The following DGKG variants were observed in gnomAD, a reference collection of about 807,000 sequenced individuals.
The protein encoded by DGKG is DAG kinase gamma.
Under a neutral mutation model 105.3 loss-of-function variants are expected in DGKG, and 78 were observed. The observed-to-expected ratio is 0.74, with a 90% confidence interval of 0.62 to 0.89. The LOEUF (loss-of-function observed/expected upper bound fraction) is 0.89. Ranked by LOEUF, DGKG falls within the 40% of genes least tolerant of loss-of-function variation. The pLI, the probability that DGKG is intolerant of heterozygous loss-of-function variation, is 0.00. For synonymous variants in DGKG, 346 were observed against 367.1 expected, an observed-to-expected ratio of 0.94 and a Z score of 0.66; for missense variants, 958 against 1,020.1, an observed-to-expected ratio of 0.94 and a Z score of 0.83.
intron 16 of DGKG, among the ~76,000 whole-genome samples, chr3:186,259,118 G>A (rs950691898): frequency 6.6e-5 from 10 of 150,694 alleles, no homozygotes; most frequent in African/African-American, 2.2e-4. Flanking sequence ...ACTCTCCGAC[G>A]GGAAGTGAAT....
intron 1 of DGKG, among the ~76,000 whole-genome samples, chr3:186,360,890 C>T (rs1164777284): frequency 6.6e-6 from 1 of 152,266 alleles, no homozygotes; most frequent in Non-Finnish European, 1.5e-5. Flanking sequence ...ACAAACAGCC[C>T]TCCCAGGCCC....
At chr3:186,227,442 A>T (rs1233570426) in intron 20 of DGKG, among the ~76,000 whole-genome samples, 1 of 152,200 alleles carries the variant, frequency 6.6e-6, no homozygotes, top group African/African-American at 2.4e-5. Context: ...GCTGAAACTC[A>T]GTTCTTTTGA....
rs554896339 is a variant in DGKG, at chr3:186,224,510, C to T, written c.1827-12625G>A. Among the ~76,000 whole-genome samples the T allele has an allele frequency of 7.9e-5, 12 of 152,204 alleles. No individual in the cohort carries two copies. The East Asian group carries it at 1.2e-3, about 15-fold the overall frequency. On this transcript the variant is annotated intron_variant, in intron 20 of 24. Transcript: ENST00000265022. ...TGTAAGTTATATGAGTATGTGCACT[C>T]GAATGCAGGGGCTTTCACCAATGAA...
At chr3:186,211,285 C>T (rs967977251) in intron 21 of DGKG, among the ~76,000 whole-genome samples, 1 of 152,228 alleles carries the variant, frequency 6.6e-6, no homozygotes, top group Non-Finnish European at 1.5e-5. Flanking sequence ...ACAGGTTGCA[C>T]ACCCACAAAA....
At chr3:186,233,899 A>G (rs1331402195) in intron 20 of DGKG, among the ~76,000 whole-genome samples, 1 of 152,224 alleles carries the variant, frequency 6.6e-6, no homozygotes, top group Non-Finnish European at 1.5e-5. Flanking sequence ...AGGGAGAGTA[A>G]CTTGGTCAAG....
intron 20 of DGKG, 59 bp downstream of exon 20, chr3:186,242,445 C>T: frequency 6.9e-7 from 1 of 1,452,414 alleles, no homozygotes; most frequent in Non-Finnish European, 9.4e-7. Flanking sequence ...AGGTGAAAGG[C>T]CTCTGTTCCG....
At chr3:186,240,968 CAG>C (rs1236763310) in intron 20 of DGKG, among the ~76,000 whole-genome samples, 9 of 152,206 alleles carry the variant, frequency 5.9e-5, no homozygotes, top group Admixed American at 2.6e-4. Context: ...ACTATAGTAT[CAG>C]GGGCTGGAAG....
chr3:186,332,948 A>G (rs932151269), intron 1 of DGKG, among the ~76,000 whole-genome samples: 3 of 152,134 alleles, frequency 2.0e-5, no homozygotes, highest in Admixed American at 2.0e-4. Context: ...CCCTCACCAT[A>G]TGATGCCCTG....
At chr3:186,327,511 C>T (rs995530470) in intron 1 of DGKG, among the ~76,000 whole-genome samples, 1 of 151,780 alleles carries the variant, frequency 6.6e-6, no homozygotes, top group Non-Finnish European at 1.5e-5. Context: ...TCAGCAGCCC[C>T]CTCCCAGCCC....
chr3:186,200,439 T>C (rs1718395468), intron 21 of DGKG, among the ~76,000 whole-genome samples: 1 of 152,236 alleles, frequency 6.6e-6, no homozygotes, highest in Non-Finnish European at 1.5e-5. Flanking sequence ...AGATCAGAGC[T>C]GTCCAGTAAC....
intron 21 of DGKG, among the ~76,000 whole-genome samples, chr3:186,190,679 CAT>C (rs1717864125): frequency 6.6e-6 from 1 of 152,098 alleles, no homozygotes; most frequent in African/African-American, 2.4e-5. Context: ...TAAAAAATAA[CAT>C]AGACATAAAA....
rs112768251 is a variant in DGKG, at chr3:186,298,578, A to G, written c.145-349T>C. Among the ~76,000 whole-genome samples the G allele has an allele frequency of 1.1e-3, 169 of 152,344 alleles. 1 individual carries two copies. Among genetic ancestry groups the G allele is most frequent in the African/African-American group, 3.0e-3 (124 of 41,588 alleles). On this transcript the variant is annotated intron_variant, in intron 3 of 24. Transcript: ENST00000265022. ...GCCTTGGGAGTGGAGGCCAAAGTGC[A>G]GGGCTCTGCCTTAGTCCAGGCCTGT... is the stretch of plus-strand genomic sequence containing the variant.
At chr3:186,196,304 A>AT (rs1365879184) in intron 21 of DGKG, among the ~76,000 whole-genome samples, 1 of 151,748 alleles carries the variant, frequency 6.6e-6, no homozygotes, top group South Asian at 2.1e-4. Context: ...CGCCCAGCTA[A>AT]TTTTTTGTAT....
In DGKG at chr3:186,150,023, TTG is replaced by T; in HGVS notation, c.*65_*66del. On this transcript the variant is annotated 3_prime_UTR_variant, in exon 25 of 25. Coordinates refer to ENST00000265022, the MANE Select transcript of DGKG (RefSeq NM_001346.3). ...GTGCATGTGTGAGTGTGCACATAAA[TTG>T]TGTGTGAGTGTGCATTATAGTTTCT... The T allele has an allele frequency of 1.3e-6, 2 of 1,551,474 alleles. No individual in the cohort carries two copies. The highest frequency in any genetic ancestry group is 1.7e-6 in the Non-Finnish European group (2 of 1,147,346).
chr3:186,349,583 A>G (rs1726529026), intron 1 of DGKG, among the ~76,000 whole-genome samples: 1 of 151,896 alleles, frequency 6.6e-6, no homozygotes, highest in South Asian at 2.1e-4. Flanking sequence ...TTAGCTTTGC[A>G]TTCTTAGATG....
chr3:186,234,585 A>C (rs1057306728), intron 20 of DGKG, among the ~76,000 whole-genome samples: 7 of 152,194 alleles, frequency 4.6e-5, no homozygotes, highest in African/African-American at 1.7e-4. Flanking sequence ...TCACAAACCG[A>C]TTCTACTCTT....
intron 1 of DGKG, among the ~76,000 whole-genome samples, chr3:186,335,173 G>A (rs1385042941): frequency 6.6e-6 from 1 of 152,142 alleles, no homozygotes. Flanking sequence ...CTGGATTCAA[G>A]CGATTCTCCT....
chr3:186,150,423 C>G (rs766082397), intron 24 of DGKG, among the ~76,000 whole-genome samples: 2 of 152,074 alleles, frequency 1.3e-5, no homozygotes, highest in Non-Finnish European at 2.9e-5. Context: ...GAGCTTCCCA[C>G]GTGGTGATCA....
At chr3:186,349,693 C>T (rs921182421) in intron 1 of DGKG, among the ~76,000 whole-genome samples, 2 of 152,194 alleles carry the variant, frequency 1.3e-5, no homozygotes, top group Admixed American at 6.5e-5. Context: ...CCATTGGATA[C>T]GTTTGATTGA....
Sources: allele counts gnomAD v4.1 joint callset (sites outside exome capture counted in the v4.1 genomes callset), GRCh38; gene constraint gnomAD v4.1.1; transcripts MANE v1.5; gene names NCBI Gene and HGNC (gene_info 2026-07-23, HGNC 2026-07-21).